PSMB2: variants seen among roughly 807,000 people sequenced by gnomAD.
PSMB2 encodes the protein proteasome subunit beta type-2.
In PSMB2, 13 loss-of-function variants were observed where a neutral mutation model predicts 25.7. That is an observed-to-expected ratio of 0.51 (90% CI 0.33 to 0.80). The LOEUF is 0.80. Among genes scored for constraint, PSMB2 ranks in the 30% least tolerant of loss-of-function variants. The pLI is 0.02. For missense variants in PSMB2, 202 were observed against 259.0 expected, an observed-to-expected ratio of 0.78 and a Z score of 1.51; for synonymous variants, 87 against 96.2, an observed-to-expected ratio of 0.90 and a Z score of 0.56.
intron 5 of PSMB2, among the ~76,000 whole-genome samples, chr1:35,604,262 GC>G (rs1390954437): frequency 6.6e-6 from 1 of 152,084 alleles, no homozygotes; most frequent in East Asian, 1.9e-4. Flanking sequence ...TATACCCAAA[GC>G]CTTAGACTCT....
At chr1:35,628,860 G>A (rs1650998265) in intron 3 of PSMB2, among the ~76,000 whole-genome samples, 1 of 151,480 alleles carries the variant, frequency 6.6e-6, no homozygotes, top group Non-Finnish European at 1.5e-5. Flanking sequence ...CTGCTTTATA[G>A]ATCTGTAGTA....
At chr1:35,605,034 T>C (rs183837681) in intron 5 of PSMB2, among the ~76,000 whole-genome samples, 199 bp downstream of exon 5, 23 of 152,308 alleles carry the variant, frequency 1.5e-4, no homozygotes, top group Non-Finnish European at 2.5e-4. Flanking sequence ...AAAACTGACA[T>C]TGAGGAGGTA....
intron 1 of PSMB2, among the ~76,000 whole-genome samples, chr1:35,638,650 A>G (rs1651310176): frequency 1.3e-5 from 2 of 152,242 alleles, no homozygotes; most frequent in Non-Finnish European, 2.9e-5. Flanking sequence ...GAATTCAGAA[A>G]AGAGAGAATT....
intron 3 of PSMB2, among the ~76,000 whole-genome samples, chr1:35,623,485 C>A (rs1341472766): frequency 6.6e-6 from 1 of 152,140 alleles, no homozygotes; most frequent in African/African-American, 2.4e-5. Flanking sequence ...TTTGAATTTC[C>A]GCATCACCAA....
rs143857856 is a variant in PSMB2, at chr1:35,638,027, G to A, written c.92-1595C>T. 4.6e-3 allele frequency among the ~76,000 whole-genome samples: 702 copies of A among 152,148 alleles called. 4 individuals carry two copies. The highest frequency in any genetic ancestry group is 8.6e-3 in the Non-Finnish European group (586 of 68,008). On this transcript the variant is annotated intron_variant, in intron 1 of 5. Transcript: ENST00000373237. ...TAAGAAAGCATTATTCAATAAGTTC[G>A]CATTATTTTTATAATAAGAAAAAAG... is the stretch of plus-strand genomic sequence containing the variant.
chr1:35,612,084 G>A lies in PSMB2; in HGVS notation c.286-2676C>T, dbSNP rs565426858. 2.6e-5 allele frequency among the ~76,000 whole-genome samples: 4 copies of A among 152,286 alleles called. No homozygotes were observed. In the South Asian group the frequency reaches 8.3e-4, roughly 32 times the overall value. ...AGTCCTCACCTCCAAATAAGTTTCT[G>A]TTTTAGTGATAGGACAGTGGGTAGT... On this transcript the variant is annotated intron_variant, in intron 3 of 5. Transcript: ENST00000373237.
intron 1 of PSMB2, among the ~76,000 whole-genome samples, chr1:35,637,738 T>A (rs1170277164): frequency 6.6e-6 from 1 of 152,164 alleles, no homozygotes; most frequent in Admixed American, 6.5e-5. Context: ...ACACACAAAA[T>A]GCACCTGTAG....
rs114344287 is a variant in PSMB2, at chr1:35,635,893, A to T, written c.214+417T>A. ...TAAGTCTTAAAGAATATTATTTTTCAGTTCAAATTTAAAGACAAACCAATT... is the reference window on the plus strand; with the variant it reads ...TAAGTCTTAAAGAATATTATTTTTCTGTTCAAATTTAAAGACAAACCAATT... On this transcript the variant is annotated intron_variant, in intron 2 of 5. Coordinates refer to ENST00000373237, the MANE Select transcript of PSMB2 (RefSeq NM_002794.5). 5.3e-3 allele frequency among the ~76,000 whole-genome samples: 806 copies of T among 151,788 alleles called. 8 individuals are homozygous for T. Among genetic ancestry groups the T allele is most frequent in the African/African-American group, 0.018 (764 of 41,388 alleles).
At chr1:35,612,260 G>A (rs1050374175) in intron 3 of PSMB2, among the ~76,000 whole-genome samples, 20 of 150,228 alleles carry the variant, frequency 1.3e-4, no homozygotes, top group Non-Finnish European at 8.9e-5. Context: ...CTGACCTTAG[G>A]CAAAAAACTT....
At chr1:35,612,804 T>C (rs79624838) in intron 3 of PSMB2, among the ~76,000 whole-genome samples, 2,285 of 152,348 alleles carry the variant, frequency 0.015, 54 homozygotes, top group African/African-American at 0.052. Flanking sequence ...CAATGGTATA[T>C]TAAGTATTCC....
chr1:35,599,765 T>C lies in PSMB2; in HGVS notation c.*3502A>G. 1.0e-6 allele frequency: 1 copy of C among 983,320 alleles called. No individual in the cohort carries two copies. The highest frequency in any genetic ancestry group is 1.7e-5 in the African/African-American group (1 of 57,256). 60.9% of individuals were successfully genotyped at this position (983,320 alleles called of 1,614,324 possible). On this transcript the variant is annotated 3_prime_UTR_variant, in exon 6 of 6. Coordinates refer to ENST00000373237, the MANE Select transcript of PSMB2 (RefSeq NM_002794.5). ...ACCTGGAGAGGGAAGAGATTAAAAG[T>C]AGAGTGAAGTTAGGAGGCTGTTAAA...
chr1:35,639,843 T>C (rs1651342432), intron 1 of PSMB2, among the ~76,000 whole-genome samples: 1 of 152,198 alleles, frequency 6.6e-6, no homozygotes, highest in Non-Finnish European at 1.5e-5. Flanking sequence ...AAACAAAACT[T>C]CTACAAACTA....
At chr1:35,624,386 T>G (rs1043028672) in intron 3 of PSMB2, among the ~76,000 whole-genome samples, 1 of 152,154 alleles carries the variant, frequency 6.6e-6, no homozygotes, top group Admixed American at 6.5e-5. Context: ...CCTTTTCAAA[T>G]AAAACTTTAC....
chr1:35,601,647 T>C lies in PSMB2; in HGVS notation c.*1620A>G. 2 of 985,186 alleles carry C rather than the reference T, an allele frequency of 2.0e-6. No homozygotes were observed. Among genetic ancestry groups the C allele is most frequent in the Non-Finnish European group, 2.4e-6 (2 of 829,694 alleles). 61.0% of individuals were successfully genotyped at this position (985,186 alleles called of 1,614,324 possible). A position where few individuals can be genotyped will look rare whatever the true frequency, so the allele number is the denominator to read the frequency against. The stretch of plus-strand genomic sequence containing the variant: ...AGTAGGTAGTATCTTAGATGATACA[T>C]TTAATCACAGACAAAACAAAAACCT... On this transcript the variant is annotated 3_prime_UTR_variant, in exon 6 of 6. Transcript: ENST00000373237.
chr1:35,622,674 A>G (rs1650723349), intron 3 of PSMB2, among the ~76,000 whole-genome samples: 1 of 152,066 alleles, frequency 6.6e-6, no homozygotes, highest in Non-Finnish European at 1.5e-5. Context: ...CCAACAGGGT[A>G]GCACATATAT....
At chr1:35,628,631 A>ATATATATTTTTTTT (rs1202256440) in intron 3 of PSMB2, among the ~76,000 whole-genome samples, 1 of 38,082 alleles carries the variant, frequency 2.6e-5, no homozygotes, top group African/African-American at 1.3e-4. Flanking sequence ...ATATATATAT[A>ATATATATTTTTTTT]TTTTTTTTTT....
chr1:35,605,375 A>G, intron 4 of PSMB2, 93 bp from the exon 5 acceptor site: 2 of 1,252,950 alleles, frequency 1.6e-6, no homozygotes, highest in Non-Finnish European at 2.3e-6. Context: ...TGGCTTCTTC[A>G]GGTCTCAGTG....
At chr1:35,607,312 A>C (rs933792963) in intron 4 of PSMB2, among the ~76,000 whole-genome samples, 1 of 152,236 alleles carries the variant, frequency 6.6e-6, no homozygotes, top group East Asian at 1.9e-4. Flanking sequence ...TCCAGAAAAT[A>C]TAAGGAACCG....
In PSMB2 at chr1:35,606,749, TGAACAAAAA is replaced by T. The variant is rs1487465111; in HGVS notation, c.449-1476_449-1468del. On this transcript the variant is annotated intron_variant, in intron 4 of 5. Coordinates refer to ENST00000373237, the MANE Select transcript of PSMB2 (RefSeq NM_002794.5). ...AGACTCTGAATAGCTAAAGCAATCC[TGAACAAAAA>T]GAACAAATCTGGTAGTTGATACCAC... is the stretch of plus-strand genomic sequence containing the variant. Among the ~76,000 whole-genome samples, 11 of 152,264 alleles carry T rather than the reference TGAACAAAAA, an allele frequency of 7.2e-5. No individual in the cohort carries two copies. The East Asian group carries it at 2.1e-3, about 29-fold the overall frequency.
Sources: gnomAD v4.1 joint callset for allele counts (sites outside exome capture counted in the v4.1 genomes callset) on GRCh38, gnomAD v4.1.1 for gene constraint, MANE v1.5 for transcripts, NCBI Gene and HGNC (gene_info 2026-07-23, HGNC 2026-07-21) for gene names.